Variants in MYLK observed in about 807,000 individuals in gnomAD.
MYLK encodes myosin light chain kinase, smooth muscle.
In MYLK, 106 loss-of-function variants were observed where a neutral mutation model predicts 203.4. The observed-to-expected ratio is 0.52, with a 90% confidence interval of 0.45 to 0.61. The LOEUF (loss-of-function observed/expected upper bound fraction) is 0.61, where lower values mean the gene tolerates loss of function less well. MYLK is among the 20% of genes least tolerant of loss of function. The pLI, the probability that MYLK is intolerant of heterozygous loss-of-function variation, is 0.00. For synonymous variants in MYLK, 867 were observed against 959.5 expected, an observed-to-expected ratio of 0.90 and a Z score of 1.78; for missense variants, 2,072 against 2,442.3, an observed-to-expected ratio of 0.85 and a Z score of 3.20.
intron 3 of MYLK, among the ~76,000 whole-genome samples, chr3:123,794,635 G>A (rs2064918522): frequency 6.6e-6 from 1 of 152,160 alleles, no homozygotes; most frequent in South Asian, 2.1e-4. Context: ...GGGCCTGCTG[G>A]GGACTAGATA....
At chr3:123,790,868 C>G (rs912904796) in intron 4 of MYLK, among the ~76,000 whole-genome samples, 1 of 152,154 alleles carries the variant, frequency 6.6e-6, no homozygotes, top group African/African-American at 2.4e-5. Flanking sequence ...ACCGTGGGCG[C>G]AACTTCACGG....
At chr3:123,751,343 A>G (rs2063185731) in intron 5 of MYLK, among the ~76,000 whole-genome samples, 1 of 152,200 alleles carries the variant, frequency 6.6e-6, no homozygotes, top group Non-Finnish European at 1.5e-5. Context: ...TTATGGTCCA[A>G]TTTTTCTCCT....
chr3:123,861,046 A>G (rs369487233), intron 2 of MYLK, among the ~76,000 whole-genome samples: 2 of 151,534 alleles, frequency 1.3e-5, no homozygotes, highest in East Asian at 3.9e-4. Flanking sequence ...AGGAGAAAGG[A>G]GTGAACCCGG....
At chr3:123,666,062 T>C (rs1273604314) in intron 22 of MYLK, among the ~76,000 whole-genome samples, 157 bp downstream of exon 22, 1 of 152,198 alleles carries the variant, frequency 6.6e-6, no homozygotes, top group Non-Finnish European at 1.5e-5. Context: ...GAACTCAGGT[T>C]TGGCAGGTGA....
intron 19 of MYLK, among the ~76,000 whole-genome samples, chr3:123,682,562 G>C (rs192362465): frequency 6.6e-6 from 1 of 152,214 alleles, no homozygotes; most frequent in African/African-American, 2.4e-5. Context: ...CAAGATGAGC[G>C]CACAGGCTGC....
At chr3:123,704,822 A>C (rs2108615504) in intron 16 of MYLK, among the ~76,000 whole-genome samples, 1 of 151,508 alleles carries the variant, frequency 6.6e-6, no homozygotes, top group African/African-American at 2.4e-5. Context: ...CAGGAGGCTG[A>C]GGCAGGAGAA....
At chr3:123,831,526 A>G (rs2066328405) in intron 3 of MYLK, 22 bp downstream of exon 3, 14 of 883,502 alleles carry the variant, frequency 1.6e-5, no homozygotes, top group Non-Finnish European at 1.9e-5. Flanking sequence ...TCAACAGCAT[A>G]ATGTAAACTC....
intron 4 of MYLK, among the ~76,000 whole-genome samples, chr3:123,772,277 T>C (rs142918017): frequency 1.3e-5 from 2 of 152,176 alleles, no homozygotes; most frequent in Non-Finnish European, 2.9e-5. Flanking sequence ...GGTTCACATA[T>C]TGACTAATGA....
chr3:123,695,373 C>T (rs760277231), intron 18 of MYLK, among the ~76,000 whole-genome samples: 4 of 152,234 alleles, frequency 2.6e-5, no homozygotes, highest in Admixed American at 6.5e-5. Flanking sequence ...TCTCAGAGGG[C>T]AGTGACCCTG....
chr3:123,795,346 C>A (rs2064947354), intron 3 of MYLK, among the ~76,000 whole-genome samples: 1 of 152,168 alleles, frequency 6.6e-6, no homozygotes, highest in Non-Finnish European at 1.5e-5. Flanking sequence ...TTTTATGATG[C>A]CCGGTGATGA....
In MYLK at chr3:123,693,546, T is replaced by C. The variant is rs59528398; in HGVS notation, c.3449-695A>G. On this transcript the variant is annotated intron_variant, in intron 18 of 33. Transcript: ENST00000360304. ...TGCCTCCCTTCGGAGTTGGGTCTTC[T>C]GGTTGCCCCAGAGAGAAGTGGGGAT... The C allele has an allele frequency of 8.9e-3, 1,379 of 154,190 alleles. 22 individuals carry two copies. Among genetic ancestry groups the C allele is most frequent in the African/African-American group, 0.031 (1,283 of 41,574 alleles). The allele number at this position is 154,190 out of a possible 1,614,324, so 9.6% of individuals were successfully genotyped here. A position where few individuals can be genotyped will look rare whatever the true frequency, so the allele number is the denominator to read the frequency against.
At chr3:123,881,647 C>T (rs1364955045) in intron 1 of MYLK, among the ~76,000 whole-genome samples, 1 of 152,250 alleles carries the variant, frequency 6.6e-6, no homozygotes, top group South Asian at 2.1e-4. Context: ...GAAACCCCCA[C>T]CCCACCTTAT....
chr3:123,630,980 T>G (rs9844173), intron 29 of MYLK, among the ~76,000 whole-genome samples: 38,753 of 151,992 alleles, frequency 0.25, 9,753 homozygotes, highest in East Asian at 0.61. Flanking sequence ...ACAGGCCCTG[T>G]GCTTGGTTTA....
intron 20 of MYLK, among the ~76,000 whole-genome samples, chr3:123,677,884 A>AATATATATATATATATATATATATAT (rs3085284): frequency 1.7e-4 from 9 of 53,568 alleles, no homozygotes; most frequent in Non-Finnish European, 2.5e-4. Context: ...TAAATAAATG[A>AATATATATATATATATATATATATAT]ATATATATAT....
intron 4 of MYLK, among the ~76,000 whole-genome samples, chr3:123,763,025 C>G (rs1262681608): frequency 6.6e-6 from 1 of 152,104 alleles, no homozygotes; most frequent in Non-Finnish European, 1.5e-5. Context: ...TAAATCCATC[C>G]CTTACCCCCA....
rs1215079266 is a variant in MYLK, at chr3:123,612,597, T to G, written c.*1508A>C. The G allele has an allele frequency of 6.6e-6, 1 of 152,608 alleles. No homozygotes were observed. The highest frequency in any genetic ancestry group is 6.6e-5 in the Admixed American group (1 of 15,266). The allele number at this position is 152,608 out of a possible 1,614,324, so 9.5% of individuals were successfully genotyped here. ...ATACTGTGGCTATCATGAAAAATAT[T>G]GTAACTATTTTAAAAGCAAAAGGAA... On this transcript the variant is annotated 3_prime_UTR_variant, in exon 34 of 34. Transcript: ENST00000360304.
chr3:123,848,841 A>C (rs2030387191), intron 2 of MYLK, among the ~76,000 whole-genome samples: 1 of 152,236 alleles, frequency 6.6e-6, no homozygotes, highest in South Asian at 2.1e-4. Flanking sequence ...TTTGCCTTGG[A>C]CTACCTCGAA....
chr3:123,734,106 C>G lies in MYLK; in HGVS notation c.890G>C (p.Cys297Ser). 6.2e-7 allele frequency: 1 copy of G among 1,605,658 alleles called. No homozygotes were observed. Residue 297 changes from cysteine (C) to serine (S), a missense_variant, in exon 10 of 34, where the codon TGC becomes TCC. By Grantham distance (112) the Cys-to-Ser change is moderately radical. Coordinates refer to ENST00000360304, the MANE Select transcript of MYLK (RefSeq NM_053025.4). ...SLEAAAKSKN[C>S]SSPQRGGSPP... is the part of the protein sequence containing the mutation. ...GGAGCCACCTCTCTGGGGGCTGGAG[C>G]AGTTCTTGCTTTTGGCTGCAGCCTC...
At chr3:123,869,247 T>G (rs940552008) in intron 2 of MYLK, among the ~76,000 whole-genome samples, 1 of 152,112 alleles carries the variant, frequency 6.6e-6, no homozygotes, top group African/African-American at 2.4e-5. Flanking sequence ...GTGGTGGTGT[T>G]CTGAAGGCAG....
Sources: allele counts gnomAD v4.1 joint callset (sites outside exome capture counted in the v4.1 genomes callset), GRCh38; gene constraint gnomAD v4.1.1; transcripts MANE v1.5; gene names NCBI Gene and HGNC (gene_info 2026-07-23, HGNC 2026-07-21).